Variants in CNTNAP5 observed in about 807,000 individuals in gnomAD.
CNTNAP5 encodes the protein contactin-associated protein-like 5.
In CNTNAP5, 72 loss-of-function variants were observed where a neutral mutation model predicts 150.2. The observed-to-expected ratio is 0.48, with a 90% confidence interval of 0.40 to 0.58. CNTNAP5 has a LOEUF of 0.58. CNTNAP5 is among the 20% of genes least tolerant of loss of function. CNTNAP5 has a pLI of 0.00. For synonymous variants in CNTNAP5, 672 were observed against 619.8 expected (o/e 1.08, Z -1.25); for missense variants, 1,636 against 1,626.2 (o/e 1.01, Z -0.10).
At chr2:124,455,626 A>T (rs1693100973) in intron 6 of CNTNAP5, among the ~76,000 whole-genome samples, 1 of 152,176 alleles carries the variant, frequency 6.6e-6, no homozygotes, top group South Asian at 2.1e-4. Flanking sequence ...AGAAAACTAC[A>T]TACCAATATC....
chr2:124,438,569 A>C (rs965205496), intron 5 of CNTNAP5, among the ~76,000 whole-genome samples: 1 of 152,170 alleles, frequency 6.6e-6, no homozygotes, highest in African/African-American at 2.4e-5. Context: ...TCTGAGGAGC[A>C]CCTGGGGGCC....
At chr2:124,562,259 T>C (rs1286790557) in intron 10 of CNTNAP5, among the ~76,000 whole-genome samples, 2 of 152,252 alleles carry the variant, frequency 1.3e-5, no homozygotes, top group Non-Finnish European at 2.9e-5. Flanking sequence ...TTTGTGGTGT[T>C]CATGCTTCGT....
intron 6 of CNTNAP5, among the ~76,000 whole-genome samples, chr2:124,463,563 C>T (rs1418828866): frequency 6.6e-6 from 1 of 152,164 alleles, no homozygotes; most frequent in African/African-American, 2.4e-5. Flanking sequence ...TATCACTGTG[C>T]CCCACTTCTG....
intron 7 of CNTNAP5, among the ~76,000 whole-genome samples, chr2:124,491,805 AC>A (rs911348781): frequency 2.6e-5 from 4 of 151,200 alleles, no homozygotes; most frequent in African/African-American, 9.7e-5. Context: ...ATGAGATGGT[AC>A]CTATTGTGGT....
chr2:124,498,665 A>G (rs1694206364), intron 7 of CNTNAP5, among the ~76,000 whole-genome samples: 1 of 152,156 alleles, frequency 6.6e-6, no homozygotes, highest in Non-Finnish European at 1.5e-5. Context: ...ATTTTAATAT[A>G]CTTATCATGG....
chr2:124,797,089 C>T (rs1193477915), intron 18 of CNTNAP5, among the ~76,000 whole-genome samples: 1 of 152,204 alleles, frequency 6.6e-6, no homozygotes, highest in Non-Finnish European at 1.5e-5. Context: ...GCTTTACATA[C>T]ATCAGATCAT....
chr2:124,885,399 T>A (rs910421000), intron 21 of CNTNAP5, among the ~76,000 whole-genome samples: 4 of 151,980 alleles, frequency 2.6e-5, no homozygotes, highest in Non-Finnish European at 4.4e-5. Flanking sequence ...ATTTGACACA[T>A]CCTCAGACCA....
chr2:124,442,167 G>A (rs1217863555), intron 5 of CNTNAP5, among the ~76,000 whole-genome samples: 1 of 152,098 alleles, frequency 6.6e-6, no homozygotes, highest in East Asian at 1.9e-4. Flanking sequence ...GGAGAGAAAG[G>A]GCTGACTTTA....
At chr2:124,689,178 T>G (rs1679252449) in intron 13 of CNTNAP5, among the ~76,000 whole-genome samples, 1 of 152,148 alleles carries the variant, frequency 6.6e-6, no homozygotes, top group Non-Finnish European at 1.5e-5. Context: ...TTTCCTTGGG[T>G]TTATGTCAAT....
intron 8 of CNTNAP5, among the ~76,000 whole-genome samples, chr2:124,507,476 A>C (rs953201053): frequency 6.6e-6 from 1 of 152,096 alleles, no homozygotes; most frequent in Non-Finnish European, 1.5e-5. Context: ...CAAAACAACA[A>C]CAACAACAAA....
intron 3 of CNTNAP5, among the ~76,000 whole-genome samples, chr2:124,359,149 T>C (rs1189401186): frequency 2.0e-5 from 3 of 152,206 alleles, no homozygotes; most frequent in Non-Finnish European, 2.9e-5. Context: ...TCGGCGGTGA[T>C]ATCCCCTTTA....
chr2:124,819,310 A>G (rs1682435870), intron 19 of CNTNAP5, among the ~76,000 whole-genome samples: 1 of 152,106 alleles, frequency 6.6e-6, no homozygotes, highest in African/African-American at 2.4e-5. Context: ...GAATGATTGA[A>G]AGTCTGGTTT....
intron 18 of CNTNAP5, among the ~76,000 whole-genome samples, chr2:124,794,080 G>A (rs1681792834): frequency 6.6e-6 from 1 of 152,044 alleles, no homozygotes; most frequent in South Asian, 2.1e-4. Flanking sequence ...CCTTTCAAAA[G>A]CATTTCTATG....
intron 13 of CNTNAP5, among the ~76,000 whole-genome samples, chr2:124,681,324 T>C (rs1364659248): frequency 6.7e-6 from 1 of 148,786 alleles, no homozygotes; most frequent in East Asian, 2.0e-4. Context: ...AAAAAAAAGT[T>C]GAGACAGCCA....
chr2:124,608,599 C>T (rs1381474379), intron 11 of CNTNAP5, among the ~76,000 whole-genome samples: 1 of 151,990 alleles, frequency 6.6e-6, no homozygotes, highest in East Asian at 1.9e-4. Context: ...AACTGAACTT[C>T]GTTGTGCACT....
intron 7 of CNTNAP5, among the ~76,000 whole-genome samples, chr2:124,484,223 C>A (rs1359284701): frequency 6.6e-6 from 1 of 152,324 alleles, no homozygotes; most frequent in Admixed American, 6.5e-5. Flanking sequence ...GATGCAAAAG[C>A]TCAAGGTGGG....
chr2:124,839,731 G>A (rs911237434), intron 19 of CNTNAP5, among the ~76,000 whole-genome samples: 2 of 152,172 alleles, frequency 1.3e-5, no homozygotes, highest in East Asian at 3.9e-4. Flanking sequence ...AAGCCCTTTA[G>A]CATCTGACCC....
chr2:124,519,522 C>T (rs892365038), intron 8 of CNTNAP5, among the ~76,000 whole-genome samples: 5 of 152,226 alleles, frequency 3.3e-5, no homozygotes. Flanking sequence ...AGTACCCACA[C>T]TTCCCTTTGA....
intron 19 of CNTNAP5, among the ~76,000 whole-genome samples, chr2:124,807,267 C>T (rs1682100474): frequency 6.6e-6 from 1 of 152,082 alleles, no homozygotes; most frequent in Non-Finnish European, 1.5e-5. Context: ...TTTGACCTCT[C>T]GATGTTAAGA....
Sources: allele counts gnomAD v4.1 joint callset (sites outside exome capture counted in the v4.1 genomes callset), GRCh38; gene constraint gnomAD v4.1.1; transcripts MANE v1.5; gene names NCBI Gene and HGNC (gene_info 2026-07-23, HGNC 2026-07-21).